The following IQCK variants were observed in gnomAD, a reference collection of about 807,000 sequenced individuals.
IQCK encodes IQ domain-containing protein K.
In IQCK, 29 loss-of-function variants were observed where a neutral mutation model predicts 28.1. That is an observed-to-expected ratio of 1.03 (90% CI 0.77 to 1.41). The LOEUF is 1.41. Among genes scored for constraint, IQCK ranks in the 40% most tolerant of loss-of-function variants. The pLI is 0.00. For synonymous variants in IQCK, 113 were observed against 115.1 expected, an observed-to-expected ratio of 0.98 and a Z score of 0.12; for missense variants, 359 against 314.7, an observed-to-expected ratio of 1.14 and a Z score of -1.07.
chr16:19,806,334 C>T (rs1597575733), intron 7 of IQCK, among the ~76,000 whole-genome samples: 1 of 151,940 alleles, frequency 6.6e-6, no homozygotes, highest in Non-Finnish European at 1.5e-5. Flanking sequence ...CACTATACTC[C>T]AGCCTGGGTG....
At chr16:19,847,616 A>G (rs1001858396) in intron 9 of IQCK, among the ~76,000 whole-genome samples, 1 of 152,110 alleles carries the variant, frequency 6.6e-6, no homozygotes, top group African/African-American at 2.4e-5. Context: ...TCTGCTGAAC[A>G]TTATGTCTGG....
intron 9 of IQCK, among the ~76,000 whole-genome samples, chr16:19,854,850 G>C (rs1040136482): frequency 6.6e-6 from 1 of 152,146 alleles, no homozygotes; most frequent in African/African-American, 2.4e-5. Flanking sequence ...CAATGTCATC[G>C]TTAGTAGGGT....
intron 6 of IQCK, among the ~76,000 whole-genome samples, chr16:19,773,022 A>G (rs1245400321): frequency 6.6e-6 from 1 of 152,112 alleles, no homozygotes; most frequent in Non-Finnish European, 1.5e-5. Context: ...TAATAATTAA[A>G]AAAACATTAA....
intron 1 of IQCK, among the ~76,000 whole-genome samples, chr16:19,719,819 AC>A (rs1977430491): frequency 6.6e-6 from 1 of 151,088 alleles, no homozygotes; most frequent in Admixed American, 6.6e-5. Context: ...GATTACAGGC[AC>A]CCGTCATCAT....
At chr16:19,762,144 C>T (rs560535048) in intron 4 of IQCK, 1 of 152,340 alleles carries the variant, frequency 6.6e-6, no homozygotes, top group Non-Finnish European at 1.5e-5. Context: ...ACATAGCTGT[C>T]CCTTGCTACA....
chr16:19,730,246 G>A (rs561723273), intron 1 of IQCK, among the ~76,000 whole-genome samples, 184 bp from the exon 2 acceptor site: 3 of 152,112 alleles, frequency 2.0e-5, no homozygotes, highest in Non-Finnish European at 1.5e-5. Context: ...GTGAGCCACC[G>A]CACCCGGCCT....
intron 4 of IQCK, among the ~76,000 whole-genome samples, chr16:19,758,563 C>A (rs1321944780): frequency 6.6e-6 from 1 of 152,160 alleles, no homozygotes; most frequent in Admixed American, 6.5e-5. Flanking sequence ...ACACTGCCAT[C>A]CTACAATTGC....
At chr16:19,769,531 A>T (rs1439717015) in intron 6 of IQCK, among the ~76,000 whole-genome samples, 1 of 152,184 alleles carries the variant, frequency 6.6e-6, no homozygotes, top group Non-Finnish European at 1.5e-5. Context: ...GGGAGAAGAG[A>T]CAGGATTTGG....
intron 7 of IQCK, among the ~76,000 whole-genome samples, chr16:19,807,037 T>G (rs1056696290): frequency 6.6e-6 from 1 of 152,220 alleles, no homozygotes; most frequent in South Asian, 2.1e-4. Context: ...GTGTGCCACA[T>G]CCAAGATTAG....
chr16:19,729,439 A>G (rs185698544), intron 1 of IQCK, among the ~76,000 whole-genome samples: 2 of 150,050 alleles, frequency 1.3e-5, no homozygotes, highest in Admixed American at 1.3e-4. Flanking sequence ...TCTCCTCCGC[A>G]TGTGCTCTCG....
At chr16:19,780,449 G>T (rs1264834812) in intron 6 of IQCK, among the ~76,000 whole-genome samples, 1 of 152,092 alleles carries the variant, frequency 6.6e-6, no homozygotes, top group African/African-American at 2.4e-5. Flanking sequence ...GGGATTACAG[G>T]CATGAGCCAC....
At chr16:19,834,362 G>A (rs564004990) in intron 9 of IQCK, among the ~76,000 whole-genome samples, 26 of 152,228 alleles carry the variant, frequency 1.7e-4, no homozygotes, top group Non-Finnish European at 3.1e-4. Context: ...CACGCAGCCA[G>A]TCAGGCCAGA....
intron 6 of IQCK, among the ~76,000 whole-genome samples, chr16:19,779,381 G>T (rs189860012): frequency 3.3e-5 from 5 of 152,312 alleles, no homozygotes; most frequent in Admixed American, 3.3e-4. Context: ...GAGATTTCAG[G>T]CCTGAGCAAC....
intron 4 of IQCK, among the ~76,000 whole-genome samples, chr16:19,743,620 G>C (rs1407339398): frequency 1.3e-5 from 2 of 152,234 alleles, no homozygotes; most frequent in Non-Finnish European, 2.9e-5. Context: ...GATCAGGGCT[G>C]TACAGCACCA....
chr16:19,844,012 C>T (rs1466515427), intron 9 of IQCK, among the ~76,000 whole-genome samples: 1 of 151,556 alleles, frequency 6.6e-6, no homozygotes, highest in Non-Finnish European at 1.5e-5. Flanking sequence ...ATTGTTTCCA[C>T]TTTTTGGCTA....
At chr16:19,742,164 G>A (rs563131385) in intron 4 of IQCK, among the ~76,000 whole-genome samples, 58 of 152,250 alleles carry the variant, frequency 3.8e-4, no homozygotes, top group Admixed American at 5.2e-4. Flanking sequence ...CCTGTCATTG[G>A]GCGGAAGAGG....
At chr16:19,841,473 G>T (rs142729633) in intron 9 of IQCK, among the ~76,000 whole-genome samples, 92 of 152,282 alleles carry the variant, frequency 6.0e-4, no homozygotes, top group African/African-American at 2.2e-3. Context: ...CCCAAGACCT[G>T]CATTGGAACC....
chr16:19,773,833 G>C (rs1334610727), intron 6 of IQCK, among the ~76,000 whole-genome samples: 1 of 152,234 alleles, frequency 6.6e-6, no homozygotes, highest in Non-Finnish European at 1.5e-5. Context: ...AGGTGGGAAA[G>C]ATGGAAGGAG....
At chr16:19,738,410 C>A (rs995193661) in intron 4 of IQCK, among the ~76,000 whole-genome samples, 92 of 151,936 alleles carry the variant, frequency 6.1e-4, no homozygotes, top group Non-Finnish European at 3.5e-4. Flanking sequence ...ACAGTCTGAC[C>A]CCCCCCACCT....
Sources: allele counts gnomAD v4.1 joint callset (sites outside exome capture counted in the v4.1 genomes callset), GRCh38; gene constraint gnomAD v4.1.1; transcripts MANE v1.5; gene names NCBI Gene and HGNC (gene_info 2026-07-23, HGNC 2026-07-21).